The following OFD1 variants were observed in gnomAD, a reference collection of about 807,000 sequenced individuals.
OFD1 encodes the protein OFD1 centriole and centriolar satellite protein.
Under a neutral mutation model 81.4 loss-of-function variants are expected in OFD1, and 12 were observed. That is an observed-to-expected ratio of 0.15 (90% CI 0.09 to 0.24). OFD1 has a LOEUF of 0.24. Among genes scored for constraint, OFD1 ranks in the 10% least tolerant of loss-of-function variants. The probability of loss-of-function intolerance (pLI) is 1.00; values close to 1 mark genes in which losing one functional copy is unlikely to be tolerated. For synonymous variants in OFD1, 256 were observed against 263.7 expected, an observed-to-expected ratio of 0.97 and a Z score of 0.28; for missense variants, 685 against 733.9, an observed-to-expected ratio of 0.93 and a Z score of 0.77.
intron 2 of OFD1, 27 bp downstream of exon 2, chrX:13,735,373 A>G: frequency 2.8e-6 from 3 of 1,086,966 alleles, no homozygotes; most frequent in South Asian, 1.8e-5. Context: ...TATCTGTGTC[A>G]GCTTTTACAA....
intron 9 of OFD1, among the ~76,000 whole-genome samples, chrX:13,749,871 T>C (rs1206640497): frequency 8.9e-6 from 1 of 112,637 alleles, no homozygotes; most frequent in Non-Finnish European, 1.9e-5. Context: ...GTATAGTAAC[T>C]GAATTCCATA....
intron 5 of OFD1, chrX:13,740,011 C>G: frequency 1.1e-6 from 1 of 924,545 alleles, no homozygotes; most frequent in East Asian, 7.7e-5. Flanking sequence ...ATCATCCCCA[C>G]AAGGACATTC....
intron 5 of OFD1, among the ~76,000 whole-genome samples, chrX:13,740,505 T>G (rs1373714554): frequency 8.9e-6 from 1 of 112,103 alleles, no homozygotes; most frequent in Non-Finnish European, 1.9e-5. Context: ...TAAGAAATAA[T>G]CTATGGGCCA....
intron 14 of OFD1, 79 bp from the exon 15 acceptor site, chrX:13,758,258 T>C: frequency 2.9e-6 from 2 of 695,229 alleles, no homozygotes. Context: ...AGTACAAACA[T>C]GATAAGAGAA....
chrX:13,769,991 T>G (rs1378844196), downstream of OFD1, among the ~76,000 whole-genome samples: 2 of 112,195 alleles, frequency 1.8e-5, no homozygotes, highest in African/African-American at 6.5e-5. Flanking sequence ...TTATGGAACC[T>G]TTGGTCCTCA....
chrX:13,762,578 A>G, intron 18 of OFD1, 134 bp downstream of exon 18: 1 of 445,973 alleles, frequency 2.2e-6, no homozygotes, highest in Non-Finnish European at 4.0e-6. Context: ...TACAACCACA[A>G]GTACAGATGT....
chrX:13,758,880 C>T (rs748156600), intron 15 of OFD1, among the ~76,000 whole-genome samples: 2 of 111,369 alleles, frequency 1.8e-5, no homozygotes, highest in South Asian at 3.8e-4. Flanking sequence ...CTTTTGGACC[C>T]GTTTTGAAGT....
intron 12 of OFD1, among the ~76,000 whole-genome samples, chrX:13,755,946 C>CTTTTTTTTTTTTTTTTTTTT (rs34300430): frequency 4.6e-5 from 3 of 65,091 alleles, no homozygotes; most frequent in African/African-American, 2.0e-4. Context: ...CTTTCTTTCC[C>CTTTTTTTTTTTTTTTTTTTT]TTTTTTTTTT....
rs148543618 is a variant in OFD1 at position 13,768,748 on chromosome X, C to G, written c.2959C>G (p.Leu987Val). 8.3e-6 allele frequency: 10 copies of G among 1,210,189 alleles called. No homozygotes were observed. The highest frequency in any genetic ancestry group is 1.1e-5 in the Non-Finnish European group (10 of 894,134). ...AAAAAAGATGGTCCAAGAAGGCTCC[C>G]TAGTGGACACGCTGCAATCTAGTGA... ...SSKKMVQEGS[L>V]VDTLQSSDKV... The change falls in exon 22 of 23, where the codon CTA becomes GTA. Residue 987 changes from leucine to valine, a missense_variant. This residue lies in a region of OFD1 where 259 missense variants were observed against 254.4 expected (regional missense o/e 1.02). Coordinates refer to ENST00000340096, the MANE Select transcript of OFD1 (RefSeq NM_003611.3).
chrX:13,741,422 T>C (rs1025723048), intron 5 of OFD1, among the ~76,000 whole-genome samples: 5 of 112,309 alleles, frequency 4.5e-5, no homozygotes, highest in African/African-American at 1.3e-4. Flanking sequence ...AACCGTTGTC[T>C]GTCCCCTGAC....
intron 18 of OFD1, 67 bp downstream of exon 18, chrX:13,762,511 G>A (rs2047974312): frequency 5.9e-6 from 4 of 676,062 alleles, no homozygotes; most frequent in African/African-American, 2.2e-5. Context: ...TTGGTGAAAC[G>A]TATCCATTGG....
chrX:13,723,622 C>T, the OFD1 span, among the ~76,000 whole-genome samples: 2 of 112,014 alleles, frequency 1.8e-5, no homozygotes, highest in Non-Finnish European at 3.8e-5. Context: ...GTATGGTCTG[C>T]TCGATTTTCC....
rs1318039084 is a variant in OFD1 at position 13,769,178 on chromosome X, G to GT, written c.*73dup. Reference sequence around the variant, plus strand: ...ACGTAACATTTACTCCTTTGTAAATGTTTCCCTATCATCAGACAAAACTCA... The same window carrying GT: ...ACGTAACATTTACTCCTTTGTAAATGTTTTCCCTATCATCAGACAAAACTCA... On this transcript the variant is annotated 3_prime_UTR_variant, in exon 23 of 23. Transcript: ENST00000340096. The GT allele has an allele frequency of 2.4e-6, 2 of 845,805 alleles. No individual in the cohort carries two copies. The highest frequency in any genetic ancestry group is 4.0e-5 in the African/African-American group (2 of 49,825). The allele number at this position is 845,805 out of a possible 1,213,427, so 69.7% of individuals were successfully genotyped here.
At chrX:13,720,374 T>C in the OFD1 span, 1 of 114,430 alleles carries the variant, frequency 8.7e-6, no homozygotes, top group Admixed American at 9.3e-5. Context: ...TAACAGAAGG[T>C]GGTGGTAAGT....
intron 13 of OFD1, 29 bp downstream of exon 13, chrX:13,756,796 C>G (rs772384704): frequency 4.6e-6 from 5 of 1,097,259 alleles, no homozygotes; most frequent in South Asian, 1.8e-5. Context: ...TTCTGACTTG[C>G]GTGTTTTAGT....
Position 13,747,414 on chromosome X carries a change from G to C in OFD1, c.828+461G>C, listed in dbSNP as rs558947374. ...GCTTGTAAGTGAGTTTTCTGTTCTA[G>C]TTCTGGGGAGGATTTGTAAGTATCT... On this transcript the variant is annotated intron_variant, in intron 8 of 22. Transcript: ENST00000340096. Among the ~76,000 whole-genome samples, 5 of 111,925 alleles carry C rather than the reference G, an allele frequency of 4.5e-5. No individual in the cohort carries two copies. In the South Asian group the frequency reaches 1.8e-3, roughly 41 times the overall value.
rs1041426919 is a variant in OFD1 at position 13,766,958 on chromosome X, G to A, written c.2600-169G>A. ...AGGGTACAGTTCAAGGAGTGGGGTC[G>A]GGAGCTTGAAGTCGGTGAAAATGAA... On this transcript the variant is annotated intron_variant, in intron 19 of 22. Coordinates refer to ENST00000340096, the MANE Select transcript of OFD1 (RefSeq NM_003611.3). Among the ~76,000 whole-genome samples, 13 of 110,781 alleles carry A rather than the reference G, an allele frequency of 1.2e-4. No homozygotes were observed. The South Asian group carries it at 1.5e-3, about 13-fold the overall frequency.
chrX:13,763,953 G>A (rs778945053), intron 19 of OFD1, 98 bp downstream of exon 19: 1 of 668,531 alleles, frequency 1.5e-6, no homozygotes, highest in African/African-American at 2.1e-5. Flanking sequence ...AAGTCATCTT[G>A]TAGGTGTAAA....
chrX:13,770,448 TTGAGAGG>T (rs2048275442), downstream of OFD1, among the ~76,000 whole-genome samples: 1 of 112,140 alleles, frequency 8.9e-6, no homozygotes, highest in Non-Finnish European at 1.9e-5. Flanking sequence ...CATAATCATG[TTGAGAGG>T]TAAGAGTTTA....
Sources: allele counts gnomAD v4.1 joint callset (sites outside exome capture counted in the v4.1 genomes callset), GRCh38; gene constraint gnomAD v4.1.1; regional missense constraint gnomAD v4.1.1; transcripts MANE v1.5; gene names NCBI Gene and HGNC (gene_info 2026-07-23, HGNC 2026-07-21).